SRBD1: variants seen among roughly 807,000 people sequenced by gnomAD.
SRBD1 encodes S1 RNA-binding domain-containing protein 1.
A neutral mutation model predicts 115.3 loss-of-function variants in SRBD1; 88 were observed. The observed-to-expected ratio is 0.76, with a 90% confidence interval of 0.64 to 0.91. The LOEUF (loss-of-function observed/expected upper bound fraction) is 0.91. Ranked by LOEUF, SRBD1 falls within the 40% of genes least tolerant of loss-of-function variation. The probability of loss-of-function intolerance (pLI) is 0.00; values close to 1 mark genes in which losing one functional copy is unlikely to be tolerated. For missense variants in SRBD1, 1,385 were observed against 1,177.4 expected, an observed-to-expected ratio of 1.18 and a Z score of -2.58; for synonymous variants, 509 against 407.7, an observed-to-expected ratio of 1.25 and a Z score of -2.99.
chr2:45,520,023 G>C (rs561439472), intron 14 of SRBD1, among the ~76,000 whole-genome samples: 1 of 152,152 alleles, frequency 6.6e-6, no homozygotes, highest in African/African-American at 2.4e-5. Flanking sequence ...CCCTGTACAA[G>C]TTCTTTATCC....
intron 9 of SRBD1, among the ~76,000 whole-genome samples, chr2:45,568,743 A>C (rs1672914150): frequency 6.6e-6 from 1 of 152,238 alleles, no homozygotes; most frequent in Admixed American, 6.5e-5. Context: ...TGTTTTTCCA[A>C]AGTTGCAATA....
At chr2:45,576,335 T>G (rs981133639) in intron 7 of SRBD1, among the ~76,000 whole-genome samples, 8 of 152,122 alleles carry the variant, frequency 5.3e-5, no homozygotes, top group Non-Finnish European at 1.0e-4. Flanking sequence ...CAGCTTTATG[T>G]CATCAGTAAG....
intron 14 of SRBD1, among the ~76,000 whole-genome samples, chr2:45,509,974 A>T (rs1337096149): frequency 1.3e-5 from 2 of 152,182 alleles, no homozygotes; most frequent in Non-Finnish European, 2.9e-5. Flanking sequence ...AGCTCAAGTG[A>T]TCCTCTCACC....
Position 45,579,898 on chromosome 2 carries a change from G to C in SRBD1, c.1049C>G (p.Ser350Trp). 5.0e-6 allele frequency: 8 copies of C among 1,603,314 alleles called. No individual in the cohort carries two copies. Among genetic ancestry groups the C allele is most frequent in the Non-Finnish European group, 6.8e-6 (8 of 1,175,998 alleles). Residue 350 changes from serine to tryptophan, a missense_variant, in exon 7 of 21, where the codon TCG (serine) becomes TGG (tryptophan). Physicochemically the swap from Ser to Trp is radical, Grantham distance 177. Coordinates refer to ENST00000263736, the MANE Select transcript of SRBD1 (RefSeq NM_018079.5). Reference protein sequence around the residue: ...LEKPGELSLLSYIRPDVKGLS... With the variant: ...LEKPGELSLLWYIRPDVKGLS... The stretch of plus-strand genomic sequence containing the variant: ...ACCTTTAACGTCAGGCCTAATGTAC[G>C]ATAGCAGACTGAGCTCCCCTGGTTT...
chr2:45,415,671 GGGGAGGGGAGGGGAC>G (rs1397506089), intron 18 of SRBD1, among the ~76,000 whole-genome samples: 27 of 42,530 alleles, frequency 6.3e-4, no homozygotes, highest in Non-Finnish European at 8.6e-4. Flanking sequence ...GGGGAGGGGA[GGGGAGGGGAGGGGAC>G]GGGAGAGGAG....
chr2:45,405,687 C>G (rs978754289), intron 19 of SRBD1, among the ~76,000 whole-genome samples: 6 of 151,996 alleles, frequency 3.9e-5, no homozygotes, highest in African/African-American at 1.2e-4. Context: ...AAAGAGAAAC[C>G]AGAGACAACA....
chr2:45,390,121 C>G (rs1666957192), intron 20 of SRBD1, among the ~76,000 whole-genome samples: 1 of 152,174 alleles, frequency 6.6e-6, no homozygotes, highest in Non-Finnish European at 1.5e-5. Flanking sequence ...ATTTGGAACT[C>G]AGAAAATCAA....
intron 14 of SRBD1, among the ~76,000 whole-genome samples, chr2:45,518,147 A>G (rs770398567): frequency 6.6e-5 from 10 of 152,186 alleles, no homozygotes; most frequent in Non-Finnish European, 1.0e-4. Flanking sequence ...CTGAAATACA[A>G]TAATATATTT....
chr2:45,394,203 T>A (rs1395894021), intron 19 of SRBD1, among the ~76,000 whole-genome samples: 2 of 152,236 alleles, frequency 1.3e-5, no homozygotes, highest in Non-Finnish European at 2.9e-5. Flanking sequence ...AATTTTCTTT[T>A]ACTATGTTTA....
At chr2:45,579,851 G>A in intron 7 of SRBD1, 24 bp downstream of exon 7, 1 of 1,471,752 alleles carries the variant, frequency 6.8e-7, no homozygotes, top group Non-Finnish European at 9.0e-7. Context: ...AAACAAAGTT[G>A]ATCTCTGTAA....
At chr2:45,552,667 A>T (rs1672339705) in intron 11 of SRBD1, among the ~76,000 whole-genome samples, 1 of 152,248 alleles carries the variant, frequency 6.6e-6, no homozygotes, top group Non-Finnish European at 1.5e-5. Flanking sequence ...CTCAAAAGCA[A>T]GCGATGTTAG....
At chr2:45,576,042 A>G (rs1673166788) in intron 7 of SRBD1, among the ~76,000 whole-genome samples, 3 of 152,076 alleles carry the variant, frequency 2.0e-5, no homozygotes, top group Admixed American at 2.0e-4. Flanking sequence ...AAGTTGGAAC[A>G]AGGGTGCCTG....
In SRBD1 at chr2:45,510,259, C is replaced by T. The variant is rs374294262; in HGVS notation, c.1875-21928G>A. ...ACACAAACACACAAAGAACCTGTAA[C>T]TAAAATTAGTCTTATTCTACCATTT... On this transcript the variant is annotated intron_variant, in intron 14 of 20. Coordinates refer to ENST00000263736, the MANE Select transcript of SRBD1 (RefSeq NM_018079.5). Among the ~76,000 whole-genome samples the T allele has an allele frequency of 8.3e-4, 126 of 152,192 alleles. 1 individual carries two copies. Among genetic ancestry groups the T allele is most frequent in the African/African-American group, 2.9e-3 (122 of 41,504 alleles).
chr2:45,561,650 G>C (rs1423071011), intron 10 of SRBD1, among the ~76,000 whole-genome samples: 2 of 152,124 alleles, frequency 1.3e-5, no homozygotes, highest in Non-Finnish European at 2.9e-5. Flanking sequence ...TTTCTCACTG[G>C]CTAAGTGGTG....
chr2:45,558,652 T>C (rs1457381930), intron 10 of SRBD1, among the ~76,000 whole-genome samples: 2 of 151,802 alleles, frequency 1.3e-5, no homozygotes, highest in Non-Finnish European at 2.9e-5. Context: ...ATAGTAACTA[T>C]ATCATCTACC....
intron 14 of SRBD1, among the ~76,000 whole-genome samples, chr2:45,518,138 T>C (rs1671175973): frequency 6.6e-6 from 1 of 152,142 alleles, no homozygotes; most frequent in Admixed American, 6.5e-5. Context: ...CTAGATTAAC[T>C]GAAATACAAT....
At chr2:45,559,845 C>A (rs551215856) in intron 10 of SRBD1, among the ~76,000 whole-genome samples, 22 of 152,064 alleles carry the variant, frequency 1.4e-4, no homozygotes, top group Non-Finnish European at 2.4e-4. Flanking sequence ...CTTTGGGAGG[C>A]GGAAGTTGGT....
At chr2:45,574,768 G>T (rs773245355) in intron 7 of SRBD1, 45 bp from the exon 8 acceptor site, 3 of 1,489,154 alleles carry the variant, frequency 2.0e-6, no homozygotes, top group East Asian at 4.5e-5. Flanking sequence ...AAAAGTATAC[G>T]ATTGGTTTTA....
intron 9 of SRBD1, among the ~76,000 whole-genome samples, chr2:45,566,592 T>C (rs6741586): frequency 0.16 from 24,499 of 152,178 alleles, 2,992 homozygotes; most frequent in African/African-American, 0.34. Flanking sequence ...CTTGTGGTAA[T>C]GGTGACACAA....
Sources: gnomAD v4.1 joint callset for allele counts (sites outside exome capture counted in the v4.1 genomes callset) on GRCh38, gnomAD v4.1.1 for gene constraint, MANE v1.5 for transcripts, NCBI Gene and HGNC (gene_info 2026-07-23, HGNC 2026-07-21) for gene names.